R3HDM2: variants seen among roughly 807,000 people sequenced by gnomAD.
R3HDM2 encodes the protein R3H domain-containing protein 2.
A neutral mutation model predicts 124.5 loss-of-function variants in R3HDM2; 38 were observed. That is an observed-to-expected ratio of 0.31 (90% CI 0.24 to 0.40). The LOEUF is 0.40. Ranked by LOEUF, R3HDM2 falls within the 10% of genes least tolerant of loss-of-function variation. The pLI, the probability that R3HDM2 is intolerant of heterozygous loss-of-function variation, is 1.00. For missense variants in R3HDM2, 869 were observed against 1,236.9 expected (o/e 0.70, Z 4.46); for synonymous variants, 391 against 448.0 (o/e 0.87, Z 1.61).
chr12:57,333,892 A>G (rs574323695), intron 2 of R3HDM2, among the ~76,000 whole-genome samples: 1 of 151,818 alleles, frequency 6.6e-6, no homozygotes, highest in South Asian at 2.1e-4. Context: ...AATACAAAAA[A>G]TTAGCCGGGC....
intron 2 of R3HDM2, among the ~76,000 whole-genome samples, chr12:57,387,046 G>T (rs1243612893): frequency 6.6e-6 from 1 of 152,026 alleles, no homozygotes; most frequent in Non-Finnish European, 1.5e-5. Flanking sequence ...ATCTAGTGGG[G>T]ACGTGGAGAA....
chr12:57,308,056 T>C (rs1212402479), intron 3 of R3HDM2, among the ~76,000 whole-genome samples: 1 of 150,152 alleles, frequency 6.7e-6, no homozygotes, highest in Non-Finnish European at 1.5e-5. Flanking sequence ...AATTTTTTTT[T>C]TTTTTTTTGA....
intron 1 of R3HDM2, among the ~76,000 whole-genome samples, chr12:57,420,353 T>A (rs2070068605): frequency 6.6e-6 from 1 of 152,156 alleles, no homozygotes; most frequent in African/African-American, 2.4e-5. Context: ...GTTATCATCA[T>A]TCTAATGACC....
chr12:57,349,398 A>G (rs1431828900), intron 2 of R3HDM2, among the ~76,000 whole-genome samples: 17 of 127,120 alleles, frequency 1.3e-4, no homozygotes, highest in South Asian at 5.1e-4. Context: ...AAAAAAAAAA[A>G]AAAAAAAAAG....
intron 1 of R3HDM2, among the ~76,000 whole-genome samples, chr12:57,429,777 G>A (rs1566541166): frequency 1.5e-5 from 2 of 135,624 alleles, no homozygotes; most frequent in South Asian, 2.7e-4. Context: ...GGGGTGGGGG[G>A]GGAATATTGG....
intron 2 of R3HDM2, among the ~76,000 whole-genome samples, chr12:57,320,129 G>A (rs1388352437): frequency 6.6e-6 from 1 of 151,336 alleles, no homozygotes; most frequent in Admixed American, 6.6e-5. Flanking sequence ...GGGTGGTGGT[G>A]CGTGCCTGCT....
intron 3 of R3HDM2, among the ~76,000 whole-genome samples, chr12:57,309,931 G>A (rs2053563097): frequency 6.6e-6 from 1 of 152,156 alleles, no homozygotes; most frequent in South Asian, 2.1e-4. Flanking sequence ...AAGAATGTTG[G>A]CCGGGCACAG....
intron 12 of R3HDM2, among the ~76,000 whole-genome samples, chr12:57,288,015 CT>C (rs35488015): frequency 0.18 from 22,994 of 129,298 alleles, 1,653 homozygotes; most frequent in Admixed American, 0.26. Flanking sequence ...TCCCTTAGGT[CT>C]TTTTTTTTTT....
Position 57,296,685 on chromosome 12 carries a change from AT to A in R3HDM2, c.561-135del. ...TAGACATATTATAAGGAATATAGAT[AT>A]TTACTAAATGGGAACCAAATAGGTT... On this transcript the variant is annotated intron_variant, in intron 8 of 23. Transcript: ENST00000402412. This position sits in a 1 kb window ranked among gnomAD's most constrained non-coding sequence, Gnocchi z 4.5. The A allele has an allele frequency of 1.1e-6, 1 of 921,942 alleles. No homozygotes were observed. Among genetic ancestry groups the A allele is most frequent in the South Asian group, 1.9e-5 (1 of 53,782 alleles). 57.1% of individuals were successfully genotyped at this position (921,942 alleles called of 1,614,324 possible). A position where few individuals can be genotyped will look rare whatever the true frequency, so the allele number is the denominator to read the frequency against.
chr12:57,301,131 A>T (rs374029510), intron 4 of R3HDM2, among the ~76,000 whole-genome samples: 9 of 152,046 alleles, frequency 5.9e-5, no homozygotes, highest in African/African-American at 1.7e-4. Flanking sequence ...AAAATAAAAA[A>T]AAATAAAAAA....
chr12:57,275,414 G>A (rs907790636), intron 14 of R3HDM2, among the ~76,000 whole-genome samples: 2 of 150,652 alleles, frequency 1.3e-5, no homozygotes, highest in Middle Eastern at 3.2e-3. Flanking sequence ...CTTAGGCAAC[G>A]ATTTCATGAC....
At chr12:57,408,171 T>A (rs1318323509) in intron 1 of R3HDM2, among the ~76,000 whole-genome samples, 1 of 152,144 alleles carries the variant, frequency 6.6e-6, no homozygotes, top group East Asian at 1.9e-4. Flanking sequence ...CCTCAAATGA[T>A]CCTCCCACCT....
intron 14 of R3HDM2, among the ~76,000 whole-genome samples, chr12:57,277,465 G>C (rs1400125532): frequency 6.7e-6 from 1 of 150,352 alleles, no homozygotes; most frequent in Non-Finnish European, 1.5e-5. Flanking sequence ...TTTAGACAGA[G>C]TCTTGCTGTG....
chr12:57,254,688 C>T lies in R3HDM2; in HGVS notation c.*85G>A. ...TTAACATCAGTTTCCTTACTTCCTG[C>T]CTCTGTCCATGGTCTGTCAGGATCC... On this transcript the variant is annotated 3_prime_UTR_variant, in exon 24 of 24. Coordinates refer to ENST00000402412, the MANE Select transcript of R3HDM2 (RefSeq NM_001394031.1). The T allele has an allele frequency of 8.3e-7, 1 of 1,210,608 alleles. No individual in the cohort carries two copies. The highest frequency in any genetic ancestry group is 1.1e-6 in the Non-Finnish European group (1 of 870,126). The allele number at this position is 1,210,608 out of a possible 1,614,324, so 75.0% of individuals were successfully genotyped here.
At position 57,254,652 on chromosome 12, in the gene R3HDM2, T is replaced by TTAACC. The variant is rs1169758675; in HGVS notation, c.*120_*121insGGTTA. The TTAACC allele has an allele frequency of 3.4e-5, 29 of 857,944 alleles. No homozygotes were observed. Among genetic ancestry groups the TTAACC allele is most frequent in the African/African-American group, 6.8e-5 (4 of 58,742 alleles). The allele number at this position is 857,944 out of a possible 1,614,324, so 53.1% of individuals were successfully genotyped here. ...TGTGTTTCCATCTTCATCACTGTCTTAGGTTCCAGTTTAACATCAGTTTCC... is the reference window on the plus strand; with the variant it reads ...TGTGTTTCCATCTTCATCACTGTCTTTAACCAGGTTCCAGTTTAACATCAGTTTCC... On this transcript the variant is annotated 3_prime_UTR_variant, in exon 24 of 24. Coordinates refer to ENST00000402412, the MANE Select transcript of R3HDM2 (RefSeq NM_001394031.1).
intron 14 of R3HDM2, 95 bp from the exon 15 acceptor site, chr12:57,270,089 A>T: frequency 6.9e-7 from 1 of 1,449,704 alleles, no homozygotes; most frequent in Non-Finnish European, 9.5e-7. Flanking sequence ...TGCTTTTTAC[A>T]ACCTTCTTTA....
intron 1 of R3HDM2, among the ~76,000 whole-genome samples, chr12:57,420,542 G>C (rs1302101933): frequency 1.4e-5 from 2 of 140,548 alleles, no homozygotes; most frequent in East Asian, 4.2e-4. Flanking sequence ...TTTTTTAATA[G>C]AGATGAGGTC....
chr12:57,361,994 G>A (rs1460668397), intron 2 of R3HDM2, among the ~76,000 whole-genome samples: 2 of 152,076 alleles, frequency 1.3e-5, no homozygotes, highest in African/African-American at 2.4e-5. Context: ...TTAGCCATGC[G>A]CGGTGGAGCA....
rs1199057271 is a variant in R3HDM2 at position 57,254,190 on chromosome 12, G to A, written c.*583C>T. Reference sequence around the variant, plus strand: ...AAATTAATTTTATGATAGGAGAAGAGATTTAAAAAAATGATAGAAGAGGAT... The same window carrying A: ...AAATTAATTTTATGATAGGAGAAGAAATTTAAAAAAATGATAGAAGAGGAT... On this transcript the variant is annotated 3_prime_UTR_variant, in exon 24 of 24. Coordinates refer to ENST00000402412, the MANE Select transcript of R3HDM2 (RefSeq NM_001394031.1). 4.4e-6 allele frequency: 2 copies of A among 456,160 alleles called. No homozygotes were observed. Among genetic ancestry groups the A allele is most frequent in the Non-Finnish European group, 8.8e-6 (2 of 226,744 alleles). The allele number at this position is 456,160 out of a possible 1,614,324, so 28.3% of individuals were successfully genotyped here.
Sources: allele counts gnomAD v4.1 joint callset (sites outside exome capture counted in the v4.1 genomes callset), GRCh38; gene constraint gnomAD v4.1.1; non-coding constraint Gnocchi (gnomAD v3.1); transcripts MANE v1.5; gene names NCBI Gene and HGNC (gene_info 2026-07-23, HGNC 2026-07-21).